DBX2: variants seen among roughly 807,000 people sequenced by gnomAD.
The protein encoded by DBX2 is developing brain homeobox 2, also known as homeobox protein DBX2.
A neutral mutation model predicts 17.7 loss-of-function variants in DBX2; 16 were observed. The observed-to-expected ratio is 0.90, with a 90% CI of 0.61 to 1.37. The LOEUF (loss-of-function observed/expected upper bound fraction) is 1.37, where lower values mean the gene tolerates loss of function less well. DBX2 is among the 40% of genes most tolerant of loss of function. The pLI is 0.00. For missense variants in DBX2, 538 were observed against 433.8 expected (o/e 1.24, Z -2.13); for synonymous variants, 255 against 183.8 (o/e 1.39, Z -3.13).
In DBX2 at chr12:45,050,978, C is replaced by T. The variant is rs1380075510; in HGVS notation, c.-51G>A. On this transcript the variant is annotated 5_prime_UTR_variant, in exon 1 of 4. Coordinates refer to ENST00000332700, the MANE Select transcript of DBX2 (RefSeq NM_001004329.3). ...GCGCCCGCCTTGCGCCCGCCTGTCG[C>T]CCGGGCGCCCCGCACCGCACCCAGA... is the stretch of plus-strand genomic sequence containing the variant. 2 of 1,350,596 alleles carry T rather than the reference C, an allele frequency of 1.5e-6. No homozygotes were observed. The highest frequency in any genetic ancestry group is 3.1e-5 in the East Asian group (1 of 31,752). 83.7% of individuals were successfully genotyped at this position (1,350,596 alleles called of 1,614,324 possible).
rs1266837063 is a variant in DBX2 at position 45,050,652 on chromosome 12, A to C, written c.276T>G (p.Val92=). Residue 92 remains valine (V), a synonymous_variant, in exon 1 of 4, where the codon GTT becomes GTG. Coordinates refer to ENST00000332700, the MANE Select transcript of DBX2 (RefSeq NM_001004329.3). ...TTCCGTAGGGCGCCCCGGCGGGGCT[A>C]ACTTGTTCGGCTGCGGGGCACAGCT... is the stretch of plus-strand genomic sequence containing the variant. The part of the protein sequence containing the change: ...PLKLCPAAEQ[V]SPAGAPYGTR... The C allele has an allele frequency of 1.9e-6, 3 of 1,549,306 alleles. No individual in the cohort carries two copies. Among genetic ancestry groups the C allele is most frequent in the Non-Finnish European group, 2.6e-6 (3 of 1,146,700 alleles).
intron 1 of DBX2, among the ~76,000 whole-genome samples, chr12:45,045,983 A>G (rs1946497935): frequency 6.6e-6 from 1 of 152,044 alleles, no homozygotes; most frequent in African/African-American, 2.4e-5. Context: ...AAGTTCTAAA[A>G]CCTTCTTATT....
chr12:45,037,607 C>A (rs577659705), intron 1 of DBX2, among the ~76,000 whole-genome samples: 88 of 152,048 alleles, frequency 5.8e-4, no homozygotes, highest in Non-Finnish European at 1.1e-3. Flanking sequence ...TAATCACATT[C>A]GTGAATATTG....
intron 1 of DBX2, 151 bp downstream of exon 1, chr12:45,050,374 G>C: frequency 9.2e-7 from 1 of 1,084,356 alleles, no homozygotes; most frequent in African/African-American, 1.6e-5. Flanking sequence ...TACTCCCGAA[G>C]TGGCATCTCC....
At position 45,038,954 on chromosome 12, in the gene DBX2, T is replaced by G. The variant is rs55669515; in HGVS notation, c.404-2840A>C. Among the ~76,000 whole-genome samples, 1,073 of 152,184 alleles carry G rather than the reference T, an allele frequency of 7.1e-3. 11 individuals carry two copies. Among genetic ancestry groups the G allele is most frequent in the South Asian group, 0.035 (169 of 4,826 alleles). On this transcript the variant is annotated intron_variant, in intron 1 of 3. Coordinates refer to ENST00000332700, the MANE Select transcript of DBX2 (RefSeq NM_001004329.3). Reference sequence around the variant, plus strand: ...TAATCTACAGTAACAATTCTAGTTTTGACTAAAGAACTGGACTTCTTCACA... The same window carrying G: ...TAATCTACAGTAACAATTCTAGTTTGGACTAAAGAACTGGACTTCTTCACA...
At chr12:45,049,479 A>G (rs1946517569) in intron 1 of DBX2, among the ~76,000 whole-genome samples, 1 of 152,160 alleles carries the variant, frequency 6.6e-6, no homozygotes, top group South Asian at 2.1e-4. Flanking sequence ...TCTGTTAGTA[A>G]CCATTTCAAA....
At chr12:45,033,464 G>A (rs1176798022) in intron 2 of DBX2, among the ~76,000 whole-genome samples, 2 of 151,792 alleles carry the variant, frequency 1.3e-5, no homozygotes, top group African/African-American at 2.4e-5. Flanking sequence ...ATTAGAAAAA[G>A]GAGAAAAAAA....
intron 1 of DBX2, among the ~76,000 whole-genome samples, chr12:45,044,524 T>A (rs1946489068): frequency 6.6e-6 from 1 of 152,162 alleles, no homozygotes; most frequent in African/African-American, 2.4e-5. Context: ...AAAATTAAGG[T>A]TGTTATGGCA....
chr12:45,029,049 C>T (rs1039426168), intron 2 of DBX2, among the ~76,000 whole-genome samples: 2 of 152,170 alleles, frequency 1.3e-5, no homozygotes, highest in Non-Finnish European at 2.9e-5. Flanking sequence ...CATTTTCATA[C>T]CTTCTAAACA....
At chr12:45,020,859 T>C (rs1311712293) in intron 3 of DBX2, among the ~76,000 whole-genome samples, 1 of 152,010 alleles carries the variant, frequency 6.6e-6, no homozygotes, top group African/African-American at 2.4e-5. Flanking sequence ...AACACACATA[T>C]AAATTTATTT....
At chr12:45,025,628 A>G (rs535444612) in intron 2 of DBX2, among the ~76,000 whole-genome samples, 2 of 151,398 alleles carry the variant, frequency 1.3e-5, no homozygotes, top group South Asian at 2.1e-4. Flanking sequence ...ATCCATGAAC[A>G]TTCACTCTGT....
rs745546411 is a variant in DBX2, at chr12:45,022,298, G to GTTTTTTTTTT, written c.687+1399_687+1408dup. ...AGGAGAGTTTAGTCCAATAATAACT[G>GTTTTTTTTTT]TTTTTTTTTTTTTTTTTTTTTTTGA... On this transcript the variant is annotated intron_variant, in intron 3 of 3. Transcript: ENST00000332700. 1.3e-4 allele frequency among the ~76,000 whole-genome samples: 11 copies of GTTTTTTTTTT among 82,502 alleles called. 2 individuals carry two copies. The highest frequency in any genetic ancestry group is 1.7e-4 in the Non-Finnish European group (8 of 47,102). The allele number at this position is 82,502 out of a possible 152,430, so 54.1% of individuals were successfully genotyped here.
intron 1 of DBX2, among the ~76,000 whole-genome samples, chr12:45,045,871 T>C (rs961266434): frequency 2.0e-4 from 30 of 152,322 alleles, no homozygotes; most frequent in African/African-American, 7.0e-4. Flanking sequence ...AATTCTACGT[T>C]TAATTCTATG....
chr12:45,044,644 T>C (rs1946490197), intron 1 of DBX2, among the ~76,000 whole-genome samples: 1 of 152,146 alleles, frequency 6.6e-6, no homozygotes, highest in African/African-American at 2.4e-5. Context: ...ACGCAACCTT[T>C]TTGTTTTCCT....
At chr12:45,022,724 C>CA (rs1458088794) in intron 3 of DBX2, among the ~76,000 whole-genome samples, 6 of 152,120 alleles carry the variant, frequency 3.9e-5, no homozygotes, top group African/African-American at 1.4e-4. Context: ...TATGTTAATT[C>CA]AAAAAATCCA....
At chr12:45,029,158 C>G (rs564589507) in intron 2 of DBX2, among the ~76,000 whole-genome samples, 8 of 152,078 alleles carry the variant, frequency 5.3e-5, no homozygotes, top group African/African-American at 1.9e-4. Flanking sequence ...TCCAGGTAAA[C>G]AAAAATAAAT....
At chr12:45,044,511 C>CA (rs1343932922) in intron 1 of DBX2, among the ~76,000 whole-genome samples, 1 of 151,936 alleles carries the variant, frequency 6.6e-6, no homozygotes, top group Non-Finnish European at 1.5e-5. Flanking sequence ...TTAGAGTTAA[C>CA]AAAAAATTAA....
At chr12:45,049,623 G>A (rs1946518174) in intron 1 of DBX2, among the ~76,000 whole-genome samples, 1 of 150,742 alleles carries the variant, frequency 6.6e-6, no homozygotes, top group Non-Finnish European at 1.5e-5. Context: ...AAACCCATCG[G>A]GATTAAAAGA....
At position 45,016,161 on chromosome 12, in the gene DBX2, TTA is replaced by T; in HGVS notation, c.*123_*124del. 9.8e-7 allele frequency: 1 copy of T among 1,024,122 alleles called. No individual in the cohort carries two copies. The highest frequency in any genetic ancestry group is 1.4e-6 in the Non-Finnish European group (1 of 735,062). The allele number at this position is 1,024,122 out of a possible 1,614,324, so 63.4% of individuals were successfully genotyped here. A position where few individuals can be genotyped will look rare whatever the true frequency, so the allele number is the denominator to read the frequency against. On this transcript the variant is annotated 3_prime_UTR_variant, in exon 4 of 4. Transcript: ENST00000332700. The stretch of plus-strand genomic sequence containing the variant: ...ACACTAGAGTGGGTTTCCTAAAGCA[TTA>T]GTTCATACATCGCTCCAAAGTTGTT...
Sources: gnomAD v4.1 joint callset for allele counts (sites outside exome capture counted in the v4.1 genomes callset) on GRCh38, gnomAD v4.1.1 for gene constraint, MANE v1.5 for transcripts, NCBI Gene and HGNC (gene_info 2026-07-23, HGNC 2026-07-21) for gene names.